Variants in MAPK9 observed in about 807,000 individuals in gnomAD.
The protein encoded by MAPK9 is mitogen-activated protein kinase 9.
A neutral mutation model predicts 57.1 loss-of-function variants in MAPK9; 30 were observed. The observed-to-expected ratio is 0.53, with a 90% CI of 0.39 to 0.71. The LOEUF (loss-of-function observed/expected upper bound fraction) is 0.71. Among genes scored for constraint, MAPK9 ranks in the 30% least tolerant of loss-of-function variants. The probability of loss-of-function intolerance (pLI) is 0.00; values close to 1 mark genes in which losing one functional copy is unlikely to be tolerated. For missense variants in MAPK9, 362 were observed against 521.0 expected (o/e 0.69, Z 2.97); for synonymous variants, 155 against 177.0 (o/e 0.88, Z 0.99).
At chr5:180,267,663 A>G (rs1760768713) in intron 3 of MAPK9, among the ~76,000 whole-genome samples, 2 of 152,176 alleles carry the variant, frequency 1.3e-5, no homozygotes, top group East Asian at 3.9e-4. Context: ...TCAGGAGTTT[A>G]AGATCAGCCT....
Position 180,285,170 on chromosome 5 carries a change from T to C in MAPK9, c.-47-4562A>G, listed in dbSNP as rs1297337391. Reference sequence around the variant, plus strand: ...AGGTACACATTTATCAACACCCTTATAACAACTAGTGAGAAGCATATTACT... The same window carrying C: ...AGGTACACATTTATCAACACCCTTACAACAACTAGTGAGAAGCATATTACT... On this transcript the variant is annotated intron_variant, in intron 1 of 11. Coordinates refer to ENST00000452135, the MANE Select transcript of MAPK9 (RefSeq NM_002752.5). Among the ~76,000 whole-genome samples, 4 of 152,272 alleles carry C rather than the reference T, an allele frequency of 2.6e-5. No individual in the cohort carries two copies. The East Asian group carries it at 5.8e-4, about 22-fold the overall frequency.
intron 2 of MAPK9, among the ~76,000 whole-genome samples, chr5:180,272,181 G>A (rs2127610205): frequency 6.6e-6 from 1 of 152,312 alleles, no homozygotes; most frequent in Middle Eastern, 3.4e-3. Context: ...AGTCCCCACT[G>A]CTTCTTGCAT....
At chr5:180,253,268 TC>T (rs1758901798) in intron 5 of MAPK9, among the ~76,000 whole-genome samples, 1 of 152,132 alleles carries the variant, frequency 6.6e-6, no homozygotes, top group South Asian at 2.1e-4. Context: ...CTCTGGCTGC[TC>T]CCCCTTCCTT....
intron 3 of MAPK9, among the ~76,000 whole-genome samples, chr5:180,265,067 T>C (rs1760386787): frequency 6.6e-6 from 1 of 152,208 alleles, no homozygotes; most frequent in South Asian, 2.1e-4. Context: ...GTAACTTAAT[T>C]ATTACAGAAT....
At chr5:180,245,295 C>T (rs1418191081) in intron 7 of MAPK9, among the ~76,000 whole-genome samples, 2 of 152,184 alleles carry the variant, frequency 1.3e-5, no homozygotes, top group South Asian at 2.1e-4. Flanking sequence ...CACCCCTACC[C>T]GCCTGCTGGG....
intron 4 of MAPK9, 132 bp from the exon 5 acceptor site, chr5:180,261,954 C>T: frequency 1.5e-6 from 1 of 664,788 alleles, no homozygotes; most frequent in Non-Finnish European, 2.3e-6. Context: ...TATAATGGAA[C>T]TTTCTAAAAA....
At position 180,234,035 on chromosome 5, in the gene MAPK9, T is replaced by C. The variant is rs919764022; in HGVS notation, c.*2349A>G. ...TGCCCTTGAAACTGAGACCTGGACA[T>C]GGGGGAGACAGTCGTTTCCTTCTTG... On this transcript the variant is annotated 3_prime_UTR_variant, in exon 12 of 12. Transcript: ENST00000452135. 6.6e-6 allele frequency: 1 copy of C among 152,122 alleles called. No homozygotes were observed. Among genetic ancestry groups the C allele is most frequent in the Non-Finnish European group, 1.5e-5 (1 of 68,006 alleles). The allele number at this position is 152,122 out of a possible 1,614,324, so 9.4% of individuals were successfully genotyped here.
At chr5:180,285,518 G>C (rs1762657520) in intron 1 of MAPK9, among the ~76,000 whole-genome samples, 1 of 152,178 alleles carries the variant, frequency 6.6e-6, no homozygotes, top group Non-Finnish European at 1.5e-5. Context: ...TAAAGCTTCA[G>C]AGTACCCAGG....
Position 180,236,178 on chromosome 5 carries a change from G to A in MAPK9, c.*206C>T. 2.3e-6 allele frequency: 1 copy of A among 437,742 alleles called. No homozygotes were observed. Among genetic ancestry groups the A allele is most frequent in the Middle Eastern group, 6.0e-4 (1 of 1,674 alleles). 27.1% of individuals were successfully genotyped at this position (437,742 alleles called of 1,614,324 possible). On this transcript the variant is annotated 3_prime_UTR_variant, in exon 12 of 12. Transcript: ENST00000452135. ...TCTTGAACAAAATCTCTAGAAGTGT[G>A]GCTTGCAATTTTTTTCTTCAGACAT...
At position 180,247,315 on chromosome 5, in the gene MAPK9, C is replaced by T. The variant is rs1758209768; in HGVS notation, c.688+124G>A. 9.7e-7 allele frequency: 1 copy of T among 1,026,752 alleles called. No homozygotes were observed. Among genetic ancestry groups the T allele is most frequent in the African/African-American group, 1.6e-5 (1 of 62,784 alleles). 63.6% of individuals were successfully genotyped at this position (1,026,752 alleles called of 1,614,324 possible). On this transcript the variant is annotated intron_variant, in intron 7 of 11. Transcript: ENST00000452135. This position sits in a 1 kb window ranked among gnomAD's most constrained non-coding sequence, Gnocchi z 4.5. ...TAATTAACAAATACAGTAAAGCCCC[C>T]CTTAGAACACAGTCTGGAGTGGATT...
At chr5:180,282,647 T>G (rs1762406970) in intron 1 of MAPK9, among the ~76,000 whole-genome samples, 1 of 152,164 alleles carries the variant, frequency 6.6e-6, no homozygotes, top group South Asian at 2.1e-4. Context: ...GGGGTACAAG[T>G]GCAAAGGATT....
chr5:180,255,074 T>C (rs1759126814), intron 5 of MAPK9, among the ~76,000 whole-genome samples: 1 of 152,136 alleles, frequency 6.6e-6, no homozygotes, highest in African/African-American at 2.4e-5. Flanking sequence ...GGAGCCATGC[T>C]AGATGCCTTG....
chr5:180,264,689 C>A, intron 4 of MAPK9, 92 bp downstream of exon 4: 1 of 1,204,796 alleles, frequency 8.3e-7, no homozygotes, highest in Non-Finnish European at 1.1e-6. Flanking sequence ...GTATTGCCAC[C>A]TACATTTCCT....
chr5:180,264,134 G>T (rs866070374), intron 4 of MAPK9, among the ~76,000 whole-genome samples: 9 of 152,124 alleles, frequency 5.9e-5, no homozygotes, highest in African/African-American at 2.2e-4. Context: ...CCCTGACCCA[G>T]CTCCACCCTT....
intron 1 of MAPK9, among the ~76,000 whole-genome samples, chr5:180,289,982 A>G (rs1405057750): frequency 2.6e-5 from 4 of 152,072 alleles, no homozygotes; most frequent in Non-Finnish European, 5.9e-5. Flanking sequence ...CAGCCTCCCA[A>G]GCAGCTAGGA....
chr5:180,265,679 G>A (rs1760465610), intron 3 of MAPK9, among the ~76,000 whole-genome samples: 1 of 152,124 alleles, frequency 6.6e-6, no homozygotes, highest in Non-Finnish European at 1.5e-5. Flanking sequence ...GGCAGTGCGG[G>A]AACGAACCAG....
intron 7 of MAPK9, among the ~76,000 whole-genome samples, chr5:180,244,608 T>C (rs985313158): frequency 6.7e-6 from 1 of 149,270 alleles, no homozygotes; most frequent in African/African-American, 2.5e-5. Context: ...ACCCTGGCCC[T>C]ACTAAAAATA....
At chr5:180,254,160 T>A (rs911845264) in intron 5 of MAPK9, among the ~76,000 whole-genome samples, 3 of 151,990 alleles carry the variant, frequency 2.0e-5, no homozygotes, top group Admixed American at 1.3e-4. Flanking sequence ...AGAGACAGAG[T>A]TTCACCATGT....
intron 2 of MAPK9, among the ~76,000 whole-genome samples, chr5:180,270,199 C>T (rs1227074625): frequency 6.6e-6 from 1 of 152,140 alleles, no homozygotes; most frequent in African/African-American, 2.4e-5. Flanking sequence ...CTACTAAAGG[C>T]CACCTGAGAA....
Sources: allele counts gnomAD v4.1 joint callset (sites outside exome capture counted in the v4.1 genomes callset), GRCh38; gene constraint gnomAD v4.1.1; non-coding constraint Gnocchi (gnomAD v3.1); transcripts MANE v1.5; gene names NCBI Gene and HGNC (gene_info 2026-07-23, HGNC 2026-07-21).